Variants in GABBR2 observed in about 807,000 individuals in gnomAD.
GABBR2 encodes the protein gamma-aminobutyric acid type B receptor subunit 2.
Under a neutral mutation model 105.6 loss-of-function variants are expected in GABBR2, and 23 were observed. That is an observed-to-expected ratio of 0.22 (90% CI 0.16 to 0.31). The LOEUF (loss-of-function observed/expected upper bound fraction) is 0.31. Ranked by LOEUF, GABBR2 falls within the 10% of genes least tolerant of loss-of-function variation. GABBR2 has a pLI of 1.00. For missense variants in GABBR2, 734 were observed against 1,245.5 expected (o/e 0.59, Z 6.18); for synonymous variants, 478 against 499.7 (o/e 0.96, Z 0.58).
At chr9:98,400,178 C>A (rs1421758981) in intron 8 of GABBR2, among the ~76,000 whole-genome samples, 1 of 148,712 alleles carries the variant, frequency 6.7e-6, no homozygotes, top group Non-Finnish European at 1.5e-5. Context: ...CAGAGGGAGA[C>A]CCTGCCTTTT....
intron 3 of GABBR2, among the ~76,000 whole-genome samples, chr9:98,505,369 A>G (rs1000879282): frequency 1.3e-5 from 2 of 152,072 alleles, no homozygotes; most frequent in Non-Finnish European, 2.9e-5. Context: ...CTGCTGCACA[A>G]GGGGAATAGC....
chr9:98,406,008 A>G, intron 8 of GABBR2, 73 bp downstream of exon 8: 1 of 850,830 alleles, frequency 1.2e-6, no homozygotes, highest in Non-Finnish European at 2.0e-6. Flanking sequence ...CTTTTGATGT[A>G]TTATATTGCA....
intron 18 of GABBR2, among the ~76,000 whole-genome samples, chr9:98,292,329 G>A (rs1339666291): frequency 1.3e-5 from 2 of 152,224 alleles, no homozygotes; most frequent in African/African-American, 4.8e-5. Context: ...ACTTCCCCAT[G>A]GAAACAAAAC....
chr9:98,594,204 C>T (rs1226612217), intron 1 of GABBR2, among the ~76,000 whole-genome samples: 1 of 152,174 alleles, frequency 6.6e-6, no homozygotes, highest in Non-Finnish European at 1.5e-5. Flanking sequence ...ACATCCTGCT[C>T]CCAGGTCCCA....
At chr9:98,395,423 G>C (rs1832268952) in intron 8 of GABBR2, among the ~76,000 whole-genome samples, 1 of 152,060 alleles carries the variant, frequency 6.6e-6, no homozygotes, top group Admixed American at 6.5e-5. Context: ...TGGCTGGGGG[G>C]CGAGCAGGAG....
At chr9:98,302,196 T>C (rs1830480270) in intron 16 of GABBR2, among the ~76,000 whole-genome samples, 1 of 152,222 alleles carries the variant, frequency 6.6e-6, no homozygotes, top group African/African-American at 2.4e-5. Flanking sequence ...CTCCTCTCAC[T>C]AGGTGTGCTC....
chr9:98,580,300 C>G (rs556238841), intron 1 of GABBR2, among the ~76,000 whole-genome samples: 2 of 152,300 alleles, frequency 1.3e-5, no homozygotes, highest in African/African-American at 4.8e-5. Context: ...CCATTCCCTC[C>G]CTGACATGCC....
At chr9:98,412,834 G>A (rs968675072) in intron 7 of GABBR2, among the ~76,000 whole-genome samples, 1 of 152,234 alleles carries the variant, frequency 6.6e-6, no homozygotes, top group African/African-American at 2.4e-5. Flanking sequence ...GAAGGAATGA[G>A]TGCTCAGAGA....
chr9:98,331,295 G>A (rs1402289688), intron 13 of GABBR2, among the ~76,000 whole-genome samples: 1 of 148,484 alleles, frequency 6.7e-6, no homozygotes, highest in African/African-American at 2.5e-5. Flanking sequence ...TAGTAACTCT[G>A]TTTAACGTTT....
chr9:98,311,031 C>T (rs763744325), intron 14 of GABBR2, 64 bp downstream of exon 14: 5 of 882,604 alleles, frequency 5.7e-6, no homozygotes, highest in South Asian at 2.8e-5. Flanking sequence ...ATGGAGGCCC[C>T]TGGGAGACAG....
chr9:98,368,496 G>T (rs1057456443), intron 12 of GABBR2, among the ~76,000 whole-genome samples: 1 of 152,108 alleles, frequency 6.6e-6, no homozygotes, highest in African/African-American at 2.4e-5. Context: ...AGGAGGAAGT[G>T]AGCAAAAGCC....
chr9:98,373,162 T>A (rs919984212), intron 11 of GABBR2, among the ~76,000 whole-genome samples: 3 of 152,158 alleles, frequency 2.0e-5, no homozygotes, highest in Admixed American at 6.5e-5. Flanking sequence ...AATGAACAGA[T>A]AATACATTTG....
chr9:98,640,527 G>A (rs911022848), intron 1 of GABBR2, among the ~76,000 whole-genome samples: 1 of 152,108 alleles, frequency 6.6e-6, no homozygotes, highest in Non-Finnish European at 1.5e-5. Context: ...TGATGCTGAG[G>A]GACCACAGAC....
At chr9:98,311,025 A>G in intron 14 of GABBR2, 70 bp downstream of exon 14, 1 of 809,926 alleles carries the variant, frequency 1.2e-6, no homozygotes, top group Non-Finnish European at 2.1e-6. Context: ...ACATTGATGG[A>G]GGCCCCTGGG....
chr9:98,379,293 G>A (rs770581989), intron 11 of GABBR2, among the ~76,000 whole-genome samples: 101 of 152,022 alleles, frequency 6.6e-4, no homozygotes, highest in Non-Finnish European at 1.1e-3. Context: ...TTTTGAGACA[G>A]GGTCTCCCTC....
chr9:98,332,336 A>T (rs897032158), intron 13 of GABBR2, among the ~76,000 whole-genome samples: 2 of 152,128 alleles, frequency 1.3e-5, no homozygotes, highest in Non-Finnish European at 2.9e-5. Context: ...TTTCTTAGGG[A>T]GTCAGGAAAT....
chr9:98,467,940 C>T (rs1474583778), intron 6 of GABBR2, among the ~76,000 whole-genome samples: 2 of 152,192 alleles, frequency 1.3e-5, no homozygotes, highest in Admixed American at 6.5e-5. Context: ...GGAAACAAAA[C>T]GAACAGGACT....
intron 1 of GABBR2, among the ~76,000 whole-genome samples, chr9:98,633,518 G>T (rs183422952): frequency 2.6e-5 from 4 of 151,596 alleles, no homozygotes; most frequent in African/African-American, 9.7e-5. Flanking sequence ...CCAGCTACTT[G>T]GGAGGCTGAG....
intron 4 of GABBR2, among the ~76,000 whole-genome samples, chr9:98,493,154 A>C (rs1057302955): frequency 2.6e-5 from 4 of 152,132 alleles, no homozygotes; most frequent in Admixed American, 2.0e-4. Flanking sequence ...TTTGTGTTCA[A>C]ATTGTTCCAG....
Sources: gnomAD v4.1 joint callset for allele counts (sites outside exome capture counted in the v4.1 genomes callset) on GRCh38, gnomAD v4.1.1 for gene constraint, MANE v1.5 for transcripts, NCBI Gene and HGNC (gene_info 2026-07-23, HGNC 2026-07-21) for gene names.